CDH13: variants seen among roughly 807,000 people sequenced by gnomAD.
The protein encoded by CDH13 is cadherin-13.
In CDH13, 24 loss-of-function variants were observed where a neutral mutation model predicts 63.8. That is an observed-to-expected ratio of 0.38 (90% CI 0.27 to 0.53). The LOEUF is 0.53. Ranked by LOEUF, CDH13 falls within the 20% of genes least tolerant of loss-of-function variation. The probability of loss-of-function intolerance (pLI) is 0.85; values close to 1 mark genes in which losing one functional copy is unlikely to be tolerated. For synonymous variants in CDH13, 503 were observed against 355.3 expected (o/e 1.42, Z -4.67); for missense variants, 1,049 against 903.1 (o/e 1.16, Z -2.07).
At chr16:82,972,189 A>C (rs1908856646) in intron 2 of CDH13, among the ~76,000 whole-genome samples, 1 of 152,192 alleles carries the variant, frequency 6.6e-6, no homozygotes, top group South Asian at 2.1e-4. Context: ...TGTGGGAAAC[A>C]GATCAATAGA....
intron 4 of CDH13, among the ~76,000 whole-genome samples, chr16:83,190,056 C>G (rs1226388161): frequency 6.6e-6 from 1 of 152,180 alleles, no homozygotes; most frequent in Non-Finnish European, 1.5e-5. Flanking sequence ...AAACCTCTTT[C>G]CTTTATAAAG....
intron 1 of CDH13, among the ~76,000 whole-genome samples, chr16:82,726,348 A>T (rs2033093430): frequency 6.6e-6 from 1 of 152,228 alleles, no homozygotes. Flanking sequence ...AGATACATAT[A>T]AGTGAGGATG....
At chr16:83,781,299 C>G (rs1273944696) in intron 12 of CDH13, among the ~76,000 whole-genome samples, 1 of 152,170 alleles carries the variant, frequency 6.6e-6, no homozygotes, top group Non-Finnish European at 1.5e-5. Context: ...ACCAAGTTCA[C>G]CTTGTCTTCC....
At chr16:83,785,561 T>A (rs973416066) in intron 13 of CDH13, among the ~76,000 whole-genome samples, 3 of 152,218 alleles carry the variant, frequency 2.0e-5, no homozygotes, top group African/African-American at 7.2e-5. Context: ...CCCCTTGCTT[T>A]GCTGACAGAT....
intron 10 of CDH13, among the ~76,000 whole-genome samples, chr16:83,697,755 C>G (rs1905601345): frequency 6.6e-6 from 1 of 152,228 alleles, no homozygotes; most frequent in South Asian, 2.1e-4. Context: ...TCAAGCAATT[C>G]TCCTGCCTCA....
At chr16:83,419,927 TA>T (rs60157875) in intron 6 of CDH13, among the ~76,000 whole-genome samples, 75,536 of 147,742 alleles carry the variant, frequency 0.51, 19,120 homozygotes, top group Middle Eastern at 0.63. Flanking sequence ...TTTTTTTTTT[TA>T]AAAAAAAGTT....
intron 5 of CDH13, among the ~76,000 whole-genome samples, chr16:83,261,316 C>T (rs139492206): frequency 2.0e-5 from 3 of 152,102 alleles, no homozygotes; most frequent in African/African-American, 7.2e-5. Context: ...TAACTTCATC[C>T]CCTCGATAAG....
chr16:83,604,324 C>A (rs964544680), intron 8 of CDH13, among the ~76,000 whole-genome samples: 1 of 152,136 alleles, frequency 6.6e-6, no homozygotes, highest in Non-Finnish European at 1.5e-5. Flanking sequence ...CTCACTCTTG[C>A]CATGGTTCCA....
At chr16:82,904,156 C>T (rs2041563097) in intron 2 of CDH13, among the ~76,000 whole-genome samples, 2 of 152,124 alleles carry the variant, frequency 1.3e-5, no homozygotes, top group Admixed American at 1.3e-4. Flanking sequence ...CTGTATATAA[C>T]TTGGCATCTT....
At chr16:82,974,840 C>T (rs1909272455) in intron 2 of CDH13, among the ~76,000 whole-genome samples, 1 of 152,218 alleles carries the variant, frequency 6.6e-6, no homozygotes, top group South Asian at 2.1e-4. Flanking sequence ...CCATGTCAGA[C>T]TTTTGACCTC....
At chr16:83,747,407 A>G (rs987098345) in intron 10 of CDH13, among the ~76,000 whole-genome samples, 1 of 152,248 alleles carries the variant, frequency 6.6e-6, no homozygotes, top group South Asian at 2.1e-4. Flanking sequence ...GTCTGCCACC[A>G]CGTAAGACAT....
intron 6 of CDH13, among the ~76,000 whole-genome samples, chr16:83,435,043 G>A (rs1254534554): frequency 2.5e-5 from 3 of 118,840 alleles, no homozygotes; most frequent in Admixed American, 8.3e-5. Flanking sequence ...ATAGGGTTTG[G>A]AATTCAGAGA....
At chr16:83,176,188 C>G (rs2038115324) in intron 4 of CDH13, among the ~76,000 whole-genome samples, 1 of 150,088 alleles carries the variant, frequency 6.7e-6, no homozygotes, top group African/African-American at 2.4e-5. Flanking sequence ...CAACACATTT[C>G]CAAGCCAAAA....
rs71146097 is a variant in CDH13, at chr16:82,929,651, CAAAAAA to C, written c.157+71205_157+71210del. Among the ~76,000 whole-genome samples the C allele has an allele frequency of 3.8e-4, 17 of 44,280 alleles. No individual in the cohort carries two copies. In the East Asian group the frequency reaches 6.9e-3, roughly 18 times the overall value. 29.0% of individuals were successfully genotyped at this position (44,280 alleles called of 152,430 possible). A position where few individuals can be genotyped will look rare whatever the true frequency, so the allele number is the denominator to read the frequency against. On this transcript the variant is annotated intron_variant, in intron 2 of 13. Transcript: ENST00000567109. Reference sequence around the variant, plus strand: ...TGGGGGACAGAGTGAGACTCCATCTCAAAAAAAAAAAAAAAAAAAAAAAAAAAAAAA... The same window carrying C: ...TGGGGGACAGAGTGAGACTCCATCTCAAAAAAAAAAAAAAAAAAAAAAAAA...
intron 1 of CDH13, among the ~76,000 whole-genome samples, chr16:82,837,589 A>C (rs1241109665): frequency 6.6e-6 from 1 of 152,224 alleles, no homozygotes; most frequent in Non-Finnish European, 1.5e-5. Flanking sequence ...ATCAGTTACA[A>C]GATTTCCACA....
intron 7 of CDH13, among the ~76,000 whole-genome samples, chr16:83,590,017 A>G (rs547247098): frequency 6.6e-6 from 1 of 152,274 alleles, no homozygotes; most frequent in African/African-American, 2.4e-5. Context: ...GGAGTGAAAA[A>G]GCCTAAGAAG....
rs533569437 is a variant in CDH13 at position 83,518,134 on chromosome 16, G to C, written c.960+31479G>C. Reference sequence around the variant, plus strand: ...CATGATAATGAGTGAGATATCATGAGATGTGATGGTCTTTTGTTTTGTTTT... The same window carrying C: ...CATGATAATGAGTGAGATATCATGACATGTGATGGTCTTTTGTTTTGTTTT... On this transcript the variant is annotated intron_variant, in intron 7 of 13. Transcript: ENST00000567109. Among the ~76,000 whole-genome samples, 21 of 124,190 alleles carry C rather than the reference G, an allele frequency of 1.7e-4. No homozygotes were observed. In the South Asian group the frequency reaches 5.3e-3, roughly 31 times the overall value. 81.5% of individuals were successfully genotyped at this position (124,190 alleles called of 152,430 possible). A position where few individuals can be genotyped will look rare whatever the true frequency, so the allele number is the denominator to read the frequency against.
intron 2 of CDH13, among the ~76,000 whole-genome samples, chr16:82,909,272 G>A (rs1232887331): frequency 6.6e-6 from 1 of 150,382 alleles, no homozygotes; most frequent in Non-Finnish European, 1.5e-5. Flanking sequence ...GTGTGTGTGT[G>A]TGTGTGTGTG....
intron 6 of CDH13, among the ~76,000 whole-genome samples, chr16:83,412,349 C>A (rs577979282): frequency 1.3e-5 from 2 of 152,270 alleles, no homozygotes; most frequent in Admixed American, 1.3e-4. Flanking sequence ...GCAGGCTCAG[C>A]TACTTGGGAT....
Sources: gnomAD v4.1 joint callset for allele counts (sites outside exome capture counted in the v4.1 genomes callset) on GRCh38, gnomAD v4.1.1 for gene constraint, MANE v1.5 for transcripts, NCBI Gene and HGNC (gene_info 2026-07-23, HGNC 2026-07-21) for gene names.